PDE1A: variants seen among roughly 807,000 people sequenced by gnomAD.
PDE1A encodes dual specificity calcium/calmodulin-dependent 3',5'-cyclic nucleotide phosphodiesterase 1A.
A neutral mutation model predicts 61.7 loss-of-function variants in PDE1A; 35 were observed. The ratio of observed to expected loss-of-function variants is 0.57; its 90% CI spans 0.43 to 0.75. The LOEUF (loss-of-function observed/expected upper bound fraction) is 0.75. PDE1A is among the 30% of genes least tolerant of loss of function. The probability of loss-of-function intolerance (pLI) is 0.00; values close to 1 mark genes in which losing one functional copy is unlikely to be tolerated. For missense variants in PDE1A, 597 were observed against 630.6 expected (o/e 0.95, Z 0.57); for synonymous variants, 232 against 213.2 (o/e 1.09, Z -0.77).
upstream of PDE1A, among the ~76,000 whole-genome samples, chr2:182,526,501 G>T (rs193229037): frequency 6.6e-6 from 1 of 152,286 alleles, no homozygotes; most frequent in African/African-American, 2.4e-5. Context: ...TCAATTTGTG[G>T]ACAAGAAAGC....
the PDE1A span, among the ~76,000 whole-genome samples, chr2:182,692,515 G>T: frequency 2.6e-5 from 4 of 151,826 alleles, no homozygotes; most frequent in South Asian, 8.3e-4. Context: ...ACTGGGGCCT[G>T]TTGTGGGGTG....
At chr2:182,545,318 C>A in the PDE1A span, among the ~76,000 whole-genome samples, 1 of 152,176 alleles carries the variant, frequency 6.6e-6, no homozygotes. Context: ...GTCCTAGACC[C>A]CACCCCATGG....
At chr2:182,638,016 A>G in the PDE1A span, among the ~76,000 whole-genome samples, 2 of 152,192 alleles carry the variant, frequency 1.3e-5, no homozygotes, top group African/African-American at 2.4e-5. Context: ...ACTAAATGCA[A>G]TGTGAAATCC....
intron 1 of PDE1A, among the ~76,000 whole-genome samples, chr2:182,359,181 A>G (rs1699363713): frequency 6.6e-6 from 1 of 152,146 alleles, no homozygotes; most frequent in Non-Finnish European, 1.5e-5. Context: ...AGTTTAATAA[A>G]TCTAAGTTAA....
At chr2:182,230,820 T>C (rs1431214567) in intron 5 of PDE1A, among the ~76,000 whole-genome samples, 195 bp downstream of exon 5, 2 of 152,180 alleles carry the variant, frequency 1.3e-5, no homozygotes, top group East Asian at 3.9e-4. Context: ...TCATGATCTC[T>C]AGGTGGATAT....
In PDE1A at chr2:182,427,012, C is replaced by A. The variant is rs917694361; in HGVS notation, c.-382G>T. ...TATTGCAGCCATGAGAGCTCTCCTTCCACATGCTGGTCAAGCTCCGAAAGG... is the reference window on the plus strand; with the variant it reads ...TATTGCAGCCATGAGAGCTCTCCTTACACATGCTGGTCAAGCTCCGAAAGG... On this transcript the variant is annotated 5_prime_UTR_variant, in exon 1 of 14. Transcript: ENST00000351439. The A allele has an allele frequency of 9.0e-6, 9 of 998,676 alleles. No individual in the cohort carries two copies. In the South Asian group the frequency reaches 3.7e-4, roughly 41 times the overall value. The allele number at this position is 998,676 out of a possible 1,614,324, so 61.9% of individuals were successfully genotyped here.
At chr2:182,313,503 TC>T (rs1273583693) in intron 1 of PDE1A, among the ~76,000 whole-genome samples, 2 of 152,280 alleles carry the variant, frequency 1.3e-5, no homozygotes, top group Non-Finnish European at 2.9e-5. Context: ...TCCAGATTTT[TC>T]TTTCTTTTTC....
chr2:182,296,318 T>C (rs2125903234), intron 1 of PDE1A, among the ~76,000 whole-genome samples: 1 of 152,270 alleles, frequency 6.6e-6, no homozygotes, highest in Non-Finnish European at 1.5e-5. Context: ...GTCATACATA[T>C]AGGACAGTGG....
chr2:182,518,736 TTCTTC>T (rs1690371616), intron 2 of PDE1A, among the ~76,000 whole-genome samples: 1 of 152,196 alleles, frequency 6.6e-6, no homozygotes, highest in Non-Finnish European at 1.5e-5. Flanking sequence ...AGTTCATACT[TTCTTC>T]TCTTCTCTTG....
the PDE1A span, among the ~76,000 whole-genome samples, chr2:182,565,576 A>G: frequency 6.6e-5 from 10 of 152,116 alleles, no homozygotes; most frequent in African/African-American, 2.2e-4. Flanking sequence ...CACAGAATCA[A>G]AGAGTCCTAC....
chr2:182,581,443 G>C, the PDE1A span, among the ~76,000 whole-genome samples: 1 of 152,084 alleles, frequency 6.6e-6, no homozygotes, highest in Admixed American at 6.6e-5. Flanking sequence ...CTCCAATGAA[G>C]GGCCTTTGCA....
the PDE1A span, among the ~76,000 whole-genome samples, chr2:182,578,082 C>A: frequency 1.3e-5 from 2 of 152,092 alleles, no homozygotes; most frequent in African/African-American, 4.8e-5. Flanking sequence ...AGAAAGAAGG[C>A]TTTTCTTTTT....
chr2:182,262,230 C>CTTTT (rs1553559169), intron 2 of PDE1A, among the ~76,000 whole-genome samples: 129 of 144,320 alleles, frequency 8.9e-4, no homozygotes, highest in African/African-American at 3.2e-3. Flanking sequence ...TTTTCTTTCT[C>CTTTT]TCTTTCTTTC....
At chr2:182,189,217 T>C (rs1382465010) in intron 10 of PDE1A, among the ~76,000 whole-genome samples, 157 bp from the exon 11 acceptor site, 5 of 152,260 alleles carry the variant, frequency 3.3e-5, no homozygotes, top group African/African-American at 1.2e-4. Flanking sequence ...TCCAAGTTTA[T>C]ATAATTTTTC....
chr2:182,557,119 AC>A, the PDE1A span, among the ~76,000 whole-genome samples: 2 of 152,006 alleles, frequency 1.3e-5, no homozygotes, highest in South Asian at 2.1e-4. Context: ...ACATGGCAAA[AC>A]CCTGTCTCTA....
At chr2:182,231,566 T>G (rs1456405227) in intron 4 of PDE1A, among the ~76,000 whole-genome samples, 1 of 137,654 alleles carries the variant, frequency 7.3e-6, no homozygotes, top group African/African-American at 2.9e-5. Context: ...TGCTTGAAAT[T>G]TCACCATAAG....
chr2:182,522,243 T>G, intron 2 of PDE1A: 1 of 1,561,290 alleles, frequency 6.4e-7, no homozygotes, highest in Non-Finnish European at 8.8e-7. Flanking sequence ...TCAAATCTTT[T>G]GGGGGGAAAT....
chr2:182,330,437 C>T (rs1697331032), intron 1 of PDE1A, among the ~76,000 whole-genome samples: 1 of 151,990 alleles, frequency 6.6e-6, no homozygotes. Flanking sequence ...TATAAGCCTA[C>T]TTCTTTCTCC....
At chr2:182,510,179 T>C (rs1689694521) in intron 2 of PDE1A, among the ~76,000 whole-genome samples, 1 of 152,142 alleles carries the variant, frequency 6.6e-6, no homozygotes, top group Non-Finnish European at 1.5e-5. Flanking sequence ...AAATAAAATT[T>C]GATCTTTTTA....
Sources: allele counts gnomAD v4.1 joint callset (sites outside exome capture counted in the v4.1 genomes callset), GRCh38; gene constraint gnomAD v4.1.1; transcripts MANE v1.5; gene names NCBI Gene and HGNC (gene_info 2026-07-23, HGNC 2026-07-21).